PDE5A: variants seen among roughly 807,000 people sequenced by gnomAD.
The protein encoded by PDE5A is phosphodiesterase 5A.
In PDE5A, 67 loss-of-function variants were observed where a neutral mutation model predicts 110.2. The ratio of observed to expected loss-of-function variants is 0.61; its 90% confidence interval spans 0.50 to 0.75. The LOEUF is 0.75. PDE5A is among the 30% of genes least tolerant of loss of function. PDE5A has a pLI of 0.00. For synonymous variants in PDE5A, 328 were observed against 351.2 expected (o/e 0.93, Z 0.74); for missense variants, 862 against 1,045.1 (o/e 0.82, Z 2.42).
chr4:119,605,776 T>C (rs1729507684), intron 2 of PDE5A, among the ~76,000 whole-genome samples: 2 of 152,234 alleles, frequency 1.3e-5, no homozygotes, highest in Admixed American at 6.5e-5. Flanking sequence ...GCATGTACTA[T>C]TATTTTAATT....
intron 18 of PDE5A, among the ~76,000 whole-genome samples, chr4:119,503,145 G>A (rs1465128857): frequency 2.6e-5 from 4 of 151,998 alleles, no homozygotes; most frequent in Non-Finnish European, 5.9e-5. Flanking sequence ...TTGTTTTCTC[G>A]GCATGTCTGT....
At chr4:119,531,396 A>G (rs572934698) in intron 11 of PDE5A, among the ~76,000 whole-genome samples, 1 of 152,212 alleles carries the variant, frequency 6.6e-6, no homozygotes, top group African/African-American at 2.4e-5. Flanking sequence ...CTCCTGCCTC[A>G]GCATCCTGAG....
intron 11 of PDE5A, among the ~76,000 whole-genome samples, chr4:119,534,640 C>T (rs879455715): frequency 1.9e-4 from 29 of 152,180 alleles, no homozygotes; most frequent in Non-Finnish European, 4.0e-4. Flanking sequence ...TCAAGATAGT[C>T]GGGCCAATAC....
At chr4:119,559,634 T>C (rs999219038) in intron 7 of PDE5A, among the ~76,000 whole-genome samples, 5 of 152,114 alleles carry the variant, frequency 3.3e-5, no homozygotes, top group African/African-American at 1.2e-4. Context: ...TAAAATAATA[T>C]ATATTAATGT....
chr4:119,553,831 A>T lies in PDE5A; in HGVS notation c.1200-85T>A. The T allele has an allele frequency of 7.0e-6, 5 of 710,976 alleles. No individual in the cohort carries two copies. The South Asian group carries it at 8.3e-5, about 12-fold the overall frequency. The allele number at this position is 710,976 out of a possible 1,614,324, so 44.0% of individuals were successfully genotyped here. On this transcript the variant is annotated intron_variant, in intron 7 of 20. Transcript: ENST00000354960. ...GTTAAATAAATGATTAAGGGAGAAA[A>T]ATACCAGCCTTAAATTATAAGGCAT... is the stretch of plus-strand genomic sequence containing the variant.
At chr4:119,507,878 T>A (rs1483757840) in intron 15 of PDE5A, among the ~76,000 whole-genome samples, 174 bp from the exon 16 acceptor site, 1 of 151,936 alleles carries the variant, frequency 6.6e-6, no homozygotes, top group East Asian at 1.9e-4. Context: ...CCAACCCCTC[T>A]GTCATACATG....
chr4:119,595,253 C>T (rs1051427200), intron 3 of PDE5A, among the ~76,000 whole-genome samples: 8 of 152,122 alleles, frequency 5.3e-5, no homozygotes, highest in Non-Finnish European at 1.2e-4. Flanking sequence ...GCATCAAGTA[C>T]TTCTAATATG....
At chr4:119,501,347 G>C (rs1725324520) in intron 19 of PDE5A, 94 bp from the exon 20 acceptor site, 1 of 765,892 alleles carries the variant, frequency 1.3e-6, no homozygotes, top group African/African-American at 1.7e-5. Flanking sequence ...GTCTCACTCT[G>C]TTGTCCAGGC....
chr4:119,561,224 G>C (rs1392669970), intron 6 of PDE5A, among the ~76,000 whole-genome samples: 1 of 149,828 alleles, frequency 6.7e-6, no homozygotes, highest in East Asian at 1.9e-4. Flanking sequence ...GAAGAAAACA[G>C]AAAAAAAAAA....
chr4:119,582,230 T>C (rs1268681807), intron 3 of PDE5A, among the ~76,000 whole-genome samples: 2 of 152,214 alleles, frequency 1.3e-5, no homozygotes, highest in African/African-American at 4.8e-5. Context: ...TTGCTGTCTT[T>C]CAACAATATT....
intron 11 of PDE5A, among the ~76,000 whole-genome samples, chr4:119,535,742 T>C (rs1726704729): frequency 6.6e-6 from 1 of 152,188 alleles, no homozygotes; most frequent in Non-Finnish European, 1.5e-5. Context: ...ATAAAGATTC[T>C]GAATTTCCTA....
At chr4:119,541,497 TTTTATATAA>T (rs1306568673) in intron 10 of PDE5A, among the ~76,000 whole-genome samples, 1 of 152,028 alleles carries the variant, frequency 6.6e-6, no homozygotes, top group Non-Finnish European at 1.5e-5. Flanking sequence ...ATTCAAAGTC[TTTTATATAA>T]TACTGTAGCA....
chr4:119,613,425 T>C (rs1729825787), intron 1 of PDE5A, among the ~76,000 whole-genome samples: 1 of 152,190 alleles, frequency 6.6e-6, no homozygotes, highest in Non-Finnish European at 1.5e-5. Flanking sequence ...CACAAGGTAC[T>C]ATATTGGGCA....
intron 15 of PDE5A, among the ~76,000 whole-genome samples, chr4:119,509,209 A>C (rs1330006275): frequency 6.6e-6 from 1 of 152,092 alleles, no homozygotes; most frequent in Non-Finnish European, 1.5e-5. Context: ...CAACTTTGTA[A>C]CCAGAGCACA....
chr4:119,574,414 C>T (rs1728254184), intron 3 of PDE5A, among the ~76,000 whole-genome samples: 1 of 152,092 alleles, frequency 6.6e-6, no homozygotes, highest in East Asian at 1.9e-4. Flanking sequence ...AACTCCTGAC[C>T]TTGCGATCTG....
chr4:119,603,698 T>C (rs1215130905), intron 2 of PDE5A, among the ~76,000 whole-genome samples: 1 of 152,244 alleles, frequency 6.6e-6, no homozygotes, highest in Non-Finnish European at 1.5e-5. Flanking sequence ...TCATTTGTTA[T>C]AATTAACTTT....
At chr4:119,524,523 T>G (rs1726240848) in intron 12 of PDE5A, among the ~76,000 whole-genome samples, 1 of 152,150 alleles carries the variant, frequency 6.6e-6, no homozygotes, top group East Asian at 1.9e-4. Context: ...AGAACCAGAT[T>G]TGGGCCTCCA....
chr4:119,559,601 A>G (rs188746473), intron 7 of PDE5A, among the ~76,000 whole-genome samples: 110 of 152,290 alleles, frequency 7.2e-4, no homozygotes, highest in Admixed American at 4.1e-3. Context: ...AAAAGGAAAA[A>G]AGATATTACA....
At chr4:119,547,099 G>A (rs1430043876) in intron 9 of PDE5A, among the ~76,000 whole-genome samples, 1 of 130,142 alleles carries the variant, frequency 7.7e-6, no homozygotes, top group Middle Eastern at 3.8e-3. Context: ...AATTTCTTTG[G>A]GCAATAGTTT....
Sources: gnomAD v4.1 joint callset for allele counts (sites outside exome capture counted in the v4.1 genomes callset) on GRCh38, gnomAD v4.1.1 for gene constraint, MANE v1.5 for transcripts, NCBI Gene and HGNC (gene_info 2026-07-23, HGNC 2026-07-21) for gene names.